BRINP2: variants seen among roughly 807,000 people sequenced by gnomAD.
The protein encoded by BRINP2 is BMP/retinoic acid-inducible neural-specific protein 2.
A neutral mutation model predicts 69.2 loss-of-function variants in BRINP2; 21 were observed. That is an observed-to-expected ratio of 0.30 (90% CI 0.22 to 0.44). The LOEUF is 0.44. Among genes scored for constraint, BRINP2 ranks in the 20% least tolerant of loss-of-function variants. The pLI is 1.00. For synonymous variants in BRINP2, 380 were observed against 394.1 expected (o/e 0.96, Z 0.42); for missense variants, 877 against 986.0 (o/e 0.89, Z 1.48).
intron 4 of BRINP2, among the ~76,000 whole-genome samples, chr1:177,264,563 C>T (rs998862619): frequency 1.3e-5 from 2 of 152,154 alleles, no homozygotes; most frequent in East Asian, 1.9e-4. Flanking sequence ...AAAACCCCAT[C>T]GTCTCAGCCC....
At chr1:177,226,538 C>A (rs1433416640) in intron 1 of BRINP2, among the ~76,000 whole-genome samples, 1 of 152,142 alleles carries the variant, frequency 6.6e-6, no homozygotes, top group Non-Finnish European at 1.5e-5. Flanking sequence ...TATGTGTCTG[C>A]ATTATTTTTC....
At chr1:177,221,391 AC>A (rs1288352327) in intron 1 of BRINP2, among the ~76,000 whole-genome samples, 2 of 152,216 alleles carry the variant, frequency 1.3e-5, no homozygotes, top group South Asian at 2.1e-4. Context: ...TAAAACGGAG[AC>A]AGACAAGCTC....
chr1:177,278,796 C>T lies in BRINP2; in HGVS notation c.1235+11C>T, dbSNP rs1323268141. On this transcript the variant is annotated intron_variant, in intron 7 of 7. Transcript: ENST00000361539. Reference sequence around the variant, plus strand: ...CCTGCCCAAGGAGAGGTGAGCACCCCCTGGCTGCTACAGCCAGAGCTCAGC... The same window carrying T: ...CCTGCCCAAGGAGAGGTGAGCACCCTCTGGCTGCTACAGCCAGAGCTCAGC... 5.6e-6 allele frequency: 9 copies of T among 1,612,836 alleles called. No homozygotes were observed. Among genetic ancestry groups the T allele is most frequent in the Non-Finnish European group, 5.9e-6 (7 of 1,179,540 alleles).
chr1:177,248,235 G>T (rs989730700), intron 2 of BRINP2, among the ~76,000 whole-genome samples: 1 of 151,978 alleles, frequency 6.6e-6, no homozygotes, highest in Non-Finnish European at 1.5e-5. Flanking sequence ...TTTTTTTTCA[G>T]ATTTTAGAAT....
chr1:177,236,116 G>A (rs1419265649), intron 2 of BRINP2, among the ~76,000 whole-genome samples: 7 of 152,182 alleles, frequency 4.6e-5, no homozygotes, highest in Non-Finnish European at 1.0e-4. Context: ...GTAGGAGAGG[G>A]ACAGAACAAA....
intron 1 of BRINP2, among the ~76,000 whole-genome samples, chr1:177,189,495 C>T (rs12128612): frequency 0.42 from 63,110 of 151,970 alleles, 13,266 homozygotes; most frequent in South Asian, 0.52. Context: ...CCATAGCCAA[C>T]GATGGCAAAT....
chr1:177,194,995 C>T (rs1429549835), intron 1 of BRINP2, among the ~76,000 whole-genome samples: 9 of 152,094 alleles, frequency 5.9e-5, no homozygotes, highest in African/African-American at 1.2e-4. Context: ...AAATACCTCT[C>T]GATCATCTAT....
chr1:177,196,876 C>T (rs1177065421), intron 1 of BRINP2, among the ~76,000 whole-genome samples: 3 of 152,060 alleles, frequency 2.0e-5, no homozygotes, highest in South Asian at 2.1e-4. Flanking sequence ...TCACTCTTAA[C>T]GTCTGTGCTG....
intron 1 of BRINP2, among the ~76,000 whole-genome samples, chr1:177,203,676 T>C (rs1042771984): frequency 2.6e-5 from 4 of 152,150 alleles, no homozygotes; most frequent in African/African-American, 7.2e-5. Flanking sequence ...TTTTTATTGA[T>C]TTAAGGAACA....
At chr1:177,277,163 A>G (rs1250782139) in intron 6 of BRINP2, among the ~76,000 whole-genome samples, 1 of 151,568 alleles carries the variant, frequency 6.6e-6, no homozygotes. Flanking sequence ...TACATTATAT[A>G]TATATTTATA....
intron 1 of BRINP2, among the ~76,000 whole-genome samples, chr1:177,208,921 C>T (rs767958927): frequency 6.6e-6 from 1 of 152,192 alleles, no homozygotes; most frequent in Non-Finnish European, 1.5e-5. Context: ...GGCAAATGTA[C>T]TTTTCTTCTT....
chr1:177,247,849 C>T (rs1379324530), intron 2 of BRINP2, among the ~76,000 whole-genome samples: 1 of 152,204 alleles, frequency 6.6e-6, no homozygotes, highest in Admixed American at 6.5e-5. Flanking sequence ...TGATTTCCTC[C>T]TCAGTAAACC....
At chr1:177,246,247 T>G (rs967662807) in intron 2 of BRINP2, among the ~76,000 whole-genome samples, 1 of 152,180 alleles carries the variant, frequency 6.6e-6, no homozygotes, top group Non-Finnish European at 1.5e-5. Flanking sequence ...CTGGGAAATA[T>G]GACAAAGGTG....
chr1:177,248,876 A>C (rs1650486686), intron 2 of BRINP2, among the ~76,000 whole-genome samples: 1 of 151,856 alleles, frequency 6.6e-6, no homozygotes, highest in Non-Finnish European at 1.5e-5. Flanking sequence ...CTCATCGGAG[A>C]CCCTTTTGCT....
chr1:177,233,216 T>C (rs1276637186), intron 2 of BRINP2, among the ~76,000 whole-genome samples: 1 of 152,214 alleles, frequency 6.6e-6, no homozygotes, highest in African/African-American at 2.4e-5. Context: ...CATTACAAGT[T>C]TGTATTCATA....
chr1:177,246,345 A>T (rs949710462), intron 2 of BRINP2, among the ~76,000 whole-genome samples: 1 of 152,212 alleles, frequency 6.6e-6, no homozygotes, highest in African/African-American at 2.4e-5. Flanking sequence ...AAACTCTACC[A>T]CTAGTCAACT....
intron 1 of BRINP2, among the ~76,000 whole-genome samples, chr1:177,212,980 A>G (rs1047479975): frequency 6.6e-6 from 1 of 152,186 alleles, no homozygotes; most frequent in Admixed American, 6.5e-5. Flanking sequence ...AAAAGAAAAT[A>G]TGTGCTTAAT....
intron 1 of BRINP2, among the ~76,000 whole-genome samples, chr1:177,183,358 T>C (rs1456041327): frequency 6.6e-6 from 1 of 152,174 alleles, no homozygotes; most frequent in Non-Finnish European, 1.5e-5. Context: ...TGGCTAATTT[T>C]AAAACAGTTG....
At chr1:177,217,213 A>G (rs573609094) in intron 1 of BRINP2, among the ~76,000 whole-genome samples, 333 of 149,480 alleles carry the variant, frequency 2.2e-3, no homozygotes, top group Non-Finnish European at 3.8e-3. Context: ...ATTATTATTT[A>G]CTCCTCTGAT....
Sources: gnomAD v4.1 joint callset for allele counts (sites outside exome capture counted in the v4.1 genomes callset) on GRCh38, gnomAD v4.1.1 for gene constraint, MANE v1.5 for transcripts, NCBI Gene and HGNC (gene_info 2026-07-23, HGNC 2026-07-21) for gene names.